Variants in ATRNL1 observed in about 807,000 individuals in gnomAD.
ATRNL1 encodes the protein attractin-like protein 1.
A neutral mutation model predicts 182.7 loss-of-function variants in ATRNL1; 95 were observed. The ratio of observed to expected loss-of-function variants is 0.52; its 90% CI spans 0.44 to 0.62. The LOEUF is 0.62. Among genes scored for constraint, ATRNL1 ranks in the 20% least tolerant of loss-of-function variants. The probability of loss-of-function intolerance (pLI) is 0.00; values close to 1 mark genes in which losing one functional copy is unlikely to be tolerated. For synonymous variants in ATRNL1, 576 were observed against 568.3 expected (o/e 1.01, Z -0.19); for missense variants, 1,471 against 1,679.5 (o/e 0.88, Z 2.17).
intron 26 of ATRNL1, among the ~76,000 whole-genome samples, chr10:115,561,355 T>C (rs914913558): frequency 6.6e-6 from 1 of 152,202 alleles, no homozygotes; most frequent in African/African-American, 2.4e-5. Flanking sequence ...TTTCTCCATA[T>C]AATATATGCA....
At chr10:115,150,859 G>T (rs372310440) in intron 5 of ATRNL1, among the ~76,000 whole-genome samples, 2 of 152,096 alleles carry the variant, frequency 1.3e-5, no homozygotes, top group South Asian at 4.1e-4. Context: ...ATCTCCTAAT[G>T]CTATCCCTCC....
chr10:115,595,441 G>C (rs1856182506), intron 26 of ATRNL1, among the ~76,000 whole-genome samples: 2 of 152,134 alleles, frequency 1.3e-5, no homozygotes, highest in African/African-American at 4.8e-5. Context: ...ATTAAAAGCT[G>C]TTGTGCTTTC....
chr10:115,219,335 T>C (rs1773103882), intron 9 of ATRNL1, among the ~76,000 whole-genome samples: 1 of 152,036 alleles, frequency 6.6e-6, no homozygotes, highest in African/African-American at 2.4e-5. Flanking sequence ...TACTTTAATG[T>C]GGTTGATAAT....
intron 26 of ATRNL1, 50 bp from the exon 27 acceptor site, chr10:115,727,198 C>A: frequency 3.8e-6 from 5 of 1,324,750 alleles, no homozygotes; most frequent in South Asian, 1.2e-5. Context: ...TGTTGAATTT[C>A]ATGTGCTTTT....
intron 24 of ATRNL1, among the ~76,000 whole-genome samples, chr10:115,489,433 G>T (rs1849186873): frequency 6.6e-6 from 1 of 152,076 alleles, no homozygotes; most frequent in African/African-American, 2.4e-5. Context: ...TATATATTTA[G>T]GATAGTCAGC....
intron 5 of ATRNL1, among the ~76,000 whole-genome samples, chr10:115,153,505 G>T (rs1458327769): frequency 1.3e-5 from 2 of 152,154 alleles, no homozygotes; most frequent in Non-Finnish European, 2.9e-5. Flanking sequence ...GCGTAGAGAT[G>T]TTTATAGTAT....
intron 26 of ATRNL1, among the ~76,000 whole-genome samples, chr10:115,696,894 AGAGAGCGAGC>A (rs1269756660): frequency 1.3e-5 from 2 of 149,042 alleles, no homozygotes; most frequent in African/African-American, 2.6e-5. Flanking sequence ...AGAGAGAGAG[AGAGAGCGAGC>A]GAGCTAGGGG....
intron 26 of ATRNL1, among the ~76,000 whole-genome samples, chr10:115,585,442 G>A (rs1479541393): frequency 1.3e-4 from 16 of 127,894 alleles, no homozygotes; most frequent in African/African-American, 4.2e-4. Context: ...CCTGTATTGG[G>A]TGCATATATA....
In ATRNL1 at chr10:115,357,995, A is replaced by G. The variant is rs552759593; in HGVS notation, c.3175+23576A>G. 1.1e-4 allele frequency among the ~76,000 whole-genome samples: 17 copies of G among 151,726 alleles called. No homozygotes were observed. The East Asian group carries it at 1.9e-3, about 17-fold the overall frequency. On this transcript the variant is annotated intron_variant, in intron 19 of 28. Transcript: ENST00000355044. ...TCTTTTCCCTCTGCCAGTATATTCA[A>G]TTCCAAACTGATCCTGGCTCTGCAC...
At chr10:115,322,210 A>C (rs555038949) in intron 18 of ATRNL1, among the ~76,000 whole-genome samples, 2 of 151,924 alleles carry the variant, frequency 1.3e-5, no homozygotes, top group African/African-American at 4.8e-5. Flanking sequence ...CTACATCTAT[A>C]TATGTTGTGG....
chr10:115,297,868 C>T (rs1554923216), intron 15 of ATRNL1, among the ~76,000 whole-genome samples: 2 of 151,966 alleles, frequency 1.3e-5, no homozygotes, highest in Non-Finnish European at 2.9e-5. Flanking sequence ...TTTGAGATTG[C>T]ATATTTCAAG....
chr10:115,190,228 G>A (rs1224528128), intron 8 of ATRNL1, among the ~76,000 whole-genome samples: 1 of 152,072 alleles, frequency 6.6e-6, no homozygotes, highest in Non-Finnish European at 1.5e-5. Flanking sequence ...TTGCCATTGT[G>A]ACAAATGCTA....
chr10:115,785,962 T>C (rs1555080341), intron 27 of ATRNL1, among the ~76,000 whole-genome samples: 1 of 152,144 alleles, frequency 6.6e-6, no homozygotes. Flanking sequence ...TTTCCGATAA[T>C]ATGTTCTTCA....
intron 27 of ATRNL1, among the ~76,000 whole-genome samples, chr10:115,789,544 C>A (rs1345659027): frequency 1.3e-5 from 2 of 152,102 alleles, no homozygotes; most frequent in African/African-American, 4.8e-5. Flanking sequence ...GGGTTGTGCG[C>A]AGATAGTTGC....
At chr10:115,281,315 G>C in intron 13 of ATRNL1, 40 bp from the exon 14 acceptor site, 5 of 1,585,874 alleles carry the variant, frequency 3.2e-6, no homozygotes, top group Non-Finnish European at 4.3e-6. Context: ...AATCATTGCT[G>C]TACAAAGGTG....
chr10:115,345,208 TTCAACTTCATTTA>T (rs1855922383), intron 19 of ATRNL1, among the ~76,000 whole-genome samples: 1 of 152,242 alleles, frequency 6.6e-6, no homozygotes, highest in African/African-American at 2.4e-5. Context: ...CAGACTGCCT[TTCAACTTCATTTA>T]AAGACTCAGA....
At chr10:115,381,630 A>G (rs1456916910) in intron 19 of ATRNL1, among the ~76,000 whole-genome samples, 3 of 151,836 alleles carry the variant, frequency 2.0e-5, no homozygotes, top group African/African-American at 7.3e-5. Context: ...TAAGAAATAC[A>G]AATTGCAAAA....
chr10:115,460,123 G>T (rs1346191614), intron 21 of ATRNL1, among the ~76,000 whole-genome samples: 1 of 152,172 alleles, frequency 6.6e-6, no homozygotes, highest in East Asian at 1.9e-4. Flanking sequence ...TTCAGGCTCT[G>T]ATTATTTAAC....
chr10:115,373,195 T>G (rs1325466663), intron 19 of ATRNL1, among the ~76,000 whole-genome samples: 1 of 152,126 alleles, frequency 6.6e-6, no homozygotes, highest in Non-Finnish European at 1.5e-5. Flanking sequence ...GAAATGCTGC[T>G]GATTTTTGTA....
Sources: allele counts gnomAD v4.1 joint callset (sites outside exome capture counted in the v4.1 genomes callset), GRCh38; gene constraint gnomAD v4.1.1; transcripts MANE v1.5; gene names NCBI Gene and HGNC (gene_info 2026-07-23, HGNC 2026-07-21).